Variants in MR1 observed in about 807,000 individuals in gnomAD.
MR1 encodes the protein major histocompatibility complex class I-related protein 1.
A neutral mutation model predicts 37.8 loss-of-function variants in MR1; 44 were observed. That is an observed-to-expected ratio of 1.16 (90% CI 0.91 to 1.50). MR1 has a LOEUF of 1.50. MR1 is among the 40% of genes most tolerant of loss of function. MR1 has a pLI of 0.00. For missense variants in MR1, 386 were observed against 419.1 expected (o/e 0.92, Z 0.69); for synonymous variants, 153 against 155.8 (o/e 0.98, Z 0.13).
intron 5 of MR1, among the ~76,000 whole-genome samples, chr1:181,054,330 T>G (rs1193120955): frequency 6.6e-6 from 1 of 152,208 alleles, no homozygotes; most frequent in East Asian, 1.9e-4. Context: ...ATACGATCCC[T>G]GTTTTCATAG....
In MR1 at chr1:181,055,266, T is replaced by C. The variant is rs1558122451; in HGVS notation, c.*1T>C. On this transcript the variant is annotated 3_prime_UTR_variant, in exon 6 of 6. Coordinates refer to ENST00000367580, the MANE Select transcript of MR1 (RefSeq NM_001385161.1). ...CTACCTTCCAACACCAGATCGATGA[T>C]TGCAGATCCCTCTTTTCCAGTTCTC... 3.1e-6 allele frequency: 5 copies of C among 1,612,848 alleles called. No homozygotes were observed. Among genetic ancestry groups the C allele is most frequent in the Non-Finnish European group, 4.2e-6 (5 of 1,178,928 alleles).
In MR1 at chr1:181,055,264, G is replaced by T; in HGVS notation, c.1025G>T (p.Ter342LeuextTer12). ...ATCTACCTTCCAACACCAGATCGAT[G>T]ATTGCAGATCCCTCTTTTCCAGTTC... ...GAIYLPTPDR[*>L] Residue 342 changes from the stop codon to leucine, a stop_lost, in exon 6 of 6, where the codon TGA becomes TTA. Coordinates refer to ENST00000367580, the MANE Select transcript of MR1 (RefSeq NM_001385161.1). 6.2e-7 allele frequency: 1 copy of T among 1,612,996 alleles called. No homozygotes were observed. Among genetic ancestry groups the T allele is most frequent in the Non-Finnish European group, 8.5e-7 (1 of 1,179,006 alleles).
chr1:181,054,430 G>A (rs1470311366), intron 5 of MR1, among the ~76,000 whole-genome samples: 1 of 152,220 alleles, frequency 6.6e-6, no homozygotes, highest in Non-Finnish European at 1.5e-5. Context: ...ATGAGACCAT[G>A]CTTTGAACCC....
chr1:181,040,067 C>T (rs930637634), intron 1 of MR1, among the ~76,000 whole-genome samples: 3 of 152,056 alleles, frequency 2.0e-5, no homozygotes, highest in Admixed American at 2.0e-4. Context: ...TTGGTTGTGT[C>T]GTTCGGGTTC....
intron 1 of MR1, among the ~76,000 whole-genome samples, chr1:181,041,578 T>C (rs1371059122): frequency 6.6e-6 from 1 of 152,142 alleles, no homozygotes; most frequent in African/African-American, 2.4e-5. Flanking sequence ...TTCCCCTCAC[T>C]CCCTCAACTC....
chr1:181,034,361 T>G (rs1657163698), intron 1 of MR1, among the ~76,000 whole-genome samples: 2 of 152,214 alleles, frequency 1.3e-5, no homozygotes, highest in Non-Finnish European at 2.9e-5. Context: ...TCTGCTCATA[T>G]TTTTTCTTTT....
intron 1 of MR1, chr1:181,037,077 T>C (rs1657314254): frequency 6.6e-6 from 1 of 152,248 alleles, no homozygotes; most frequent in Non-Finnish European, 1.5e-5. Flanking sequence ...TGCATTGCCA[T>C]ATGTGATTTG....
intron 1 of MR1, among the ~76,000 whole-genome samples, chr1:181,034,778 G>A (rs1250050638): frequency 6.6e-6 from 1 of 152,172 alleles, no homozygotes; most frequent in African/African-American, 2.4e-5. Context: ...TGTGACTGAT[G>A]AACATGAGAG....
chr1:181,043,582 A>C (rs535945042), intron 1 of MR1, among the ~76,000 whole-genome samples: 2 of 152,178 alleles, frequency 1.3e-5, no homozygotes, highest in South Asian at 4.1e-4. Context: ...CGTGCTTATA[A>C]TCCCAGCTAC....
At chr1:181,037,176 A>C (rs529548083) in intron 1 of MR1, 2 of 152,318 alleles carry the variant, frequency 1.3e-5, no homozygotes, top group Admixed American at 1.3e-4. Context: ...AATCTACTTC[A>C]TGAATGGTGG....
At chr1:181,038,569 C>T (rs1657390761) in intron 1 of MR1, among the ~76,000 whole-genome samples, 1 of 152,194 alleles carries the variant, frequency 6.6e-6, no homozygotes, top group Non-Finnish European at 1.5e-5. Flanking sequence ...GAGCCTGTGG[C>T]CCCAGGGACT....
chr1:181,050,101 A>G lies in MR1; in HGVS notation c.419A>G (p.Asp140Gly). The change falls in exon 3 of 6, where the codon GAT becomes GGT. Residue 140 changes from aspartate (D) to glycine (G), a missense_variant. Physicochemically the swap from Asp to Gly is moderately conservative, Grantham distance 94. Coordinates refer to ENST00000367580, the MANE Select transcript of MR1 (RefSeq NM_001385161.1). ...GFLQYAYDGQ[D>G]FLIFNKDTLS... is the part of the protein sequence containing the mutation. ...CTGCAGTATGCATATGACGGGCAGG[A>G]TTTCCTGATCTTCAATAAAGACACC... The G allele has an allele frequency of 6.2e-7, 1 of 1,614,176 alleles. No individual in the cohort carries two copies. Among genetic ancestry groups the G allele is most frequent in the Non-Finnish European group, 8.5e-7 (1 of 1,180,036 alleles).
intron 2 of MR1, 71 bp downstream of exon 2, chr1:181,049,383 C>A: frequency 6.6e-7 from 1 of 1,509,526 alleles, no homozygotes; most frequent in East Asian, 2.4e-5. Context: ...GGCTGGCCTC[C>A]AATAAGCGGA....
At chr1:181,047,393 A>G (rs6684455) in intron 1 of MR1, among the ~76,000 whole-genome samples, 106,868 of 151,816 alleles carry the variant, frequency 0.7, 37,983 homozygotes, top group African/African-American at 0.79. Flanking sequence ...GAGGTCAGGA[A>G]TTCGAGACCA....
rs1658795484 is a variant in MR1, at chr1:181,059,346, C to T, written c.*4081C>T. 1 of 152,328 alleles carries T rather than the reference C, an allele frequency of 6.6e-6. No homozygotes were observed. Among genetic ancestry groups the T allele is most frequent in the Non-Finnish European group, 1.5e-5 (1 of 68,132 alleles). The allele number at this position is 152,328 out of a possible 1,614,324, so 9.4% of individuals were successfully genotyped here. On this transcript the variant is annotated 3_prime_UTR_variant, in exon 6 of 6. Coordinates refer to ENST00000367580, the MANE Select transcript of MR1 (RefSeq NM_001385161.1). ...ACTCTGGCCTCCCTTTCTCCATTGTCCTTCTAGCTTCTGGTTGCCCCAAAC... is the reference window on the plus strand; with the variant it reads ...ACTCTGGCCTCCCTTTCTCCATTGTTCTTCTAGCTTCTGGTTGCCCCAAAC...
At chr1:181,047,641 T>TA (rs1382137611) in intron 1 of MR1, among the ~76,000 whole-genome samples, 2 of 150,444 alleles carry the variant, frequency 1.3e-5, no homozygotes, top group African/African-American at 4.9e-5. Flanking sequence ...TTCACGCCCA[T>TA]AATCCCAGCA....
chr1:181,035,026 A>G (rs1245121256), intron 1 of MR1, among the ~76,000 whole-genome samples: 1 of 152,092 alleles, frequency 6.6e-6, no homozygotes, highest in Non-Finnish European at 1.5e-5. Flanking sequence ...TATGGCTGGG[A>G]GTGGTGGCTC....
At chr1:181,050,620 T>C (rs1438386020) in intron 3 of MR1, 1 of 327,538 alleles carries the variant, frequency 3.1e-6, no homozygotes, top group Non-Finnish European at 5.9e-6. Flanking sequence ...ACTGTTTAGT[T>C]AACAAAGGGC....
upstream of MR1, chr1:181,033,566 CAG>C (rs1657118977): frequency 6.5e-6 from 1 of 154,942 alleles, no homozygotes; most frequent in African/African-American, 2.4e-5. Context: ...CTATCTCAGA[CAG>C]AGACTTCAGC....
Sources: allele counts gnomAD v4.1 joint callset (sites outside exome capture counted in the v4.1 genomes callset), GRCh38; gene constraint gnomAD v4.1.1; transcripts MANE v1.5; gene names NCBI Gene and HGNC (gene_info 2026-07-23, HGNC 2026-07-21).